The following TENT2 variants were observed in gnomAD, a reference collection of about 807,000 sequenced individuals.
The protein encoded by TENT2 is terminal nucleotidyltransferase 2.
In TENT2, 44 loss-of-function variants were observed where a neutral mutation model predicts 72.2. The observed-to-expected ratio is 0.61, with a 90% CI of 0.48 to 0.78. The LOEUF (loss-of-function observed/expected upper bound fraction) is 0.78. Ranked by LOEUF, TENT2 falls within the 30% of genes least tolerant of loss-of-function variation. The probability of loss-of-function intolerance (pLI) is 0.00; values close to 1 mark genes in which losing one functional copy is unlikely to be tolerated. For synonymous variants in TENT2, 212 were observed against 192.5 expected, an observed-to-expected ratio of 1.10 and a Z score of -0.84; for missense variants, 541 against 569.6, an observed-to-expected ratio of 0.95 and a Z score of 0.51.
chr5:79,668,981 T>C lies in TENT2; in HGVS notation c.1161T>C (p.Leu387=). ...ACCTCTCAAAGAATGAATCAAACCT[T>C]GGGGACCTCTTACTGGGCTTTCTTA... is the stretch of plus-strand genomic sequence containing the variant. ...PPYLSKNESN[L]GDLLLGFLKY... is the part of the protein sequence containing the mutation. Residue 387 remains leucine, a synonymous_variant, in exon 12 of 15, where the codon CTT becomes CTC. Coordinates refer to ENST00000453514, the MANE Select transcript of TENT2 (RefSeq NM_001114394.3). The C allele has an allele frequency of 6.2e-7, 1 of 1,613,862 alleles. No homozygotes were observed. The highest frequency in any genetic ancestry group is 8.5e-7 in the Non-Finnish European group (1 of 1,179,856).
At chr5:79,634,142 G>C (rs1778108494) in intron 4 of TENT2, among the ~76,000 whole-genome samples, 1 of 142,782 alleles carries the variant, frequency 7.0e-6, no homozygotes, top group Non-Finnish European at 1.5e-5. Context: ...GCAACAGAGT[G>C]AGACTCCGTC....
At chr5:79,675,403 T>C (rs1816471115) in intron 12 of TENT2, among the ~76,000 whole-genome samples, 2 of 152,152 alleles carry the variant, frequency 1.3e-5, no homozygotes, top group South Asian at 4.1e-4. Flanking sequence ...GTCAGGGACA[T>C]GTGCAGGTAA....
chr5:79,675,083 G>A (rs1339107011), intron 12 of TENT2, among the ~76,000 whole-genome samples: 1 of 152,124 alleles, frequency 6.6e-6, no homozygotes, highest in Admixed American at 6.5e-5. Context: ...ATTCTCTAGA[G>A]CAGAAAAAAA....
At chr5:79,620,952 AATTC>A (rs1311684926) in intron 3 of TENT2, among the ~76,000 whole-genome samples, 2 of 152,226 alleles carry the variant, frequency 1.3e-5, no homozygotes, top group Non-Finnish European at 2.9e-5. Context: ...GATTAAAAGA[AATTC>A]ATTTATTTAA....
chr5:79,680,363 T>G (rs1820724112), intron 13 of TENT2, among the ~76,000 whole-genome samples: 1 of 152,222 alleles, frequency 6.6e-6, no homozygotes, highest in Non-Finnish European at 1.5e-5. Context: ...TAAATGGCAC[T>G]GGGTGGGCAT....
rs1041856847 is a variant in TENT2 at position 79,634,631 on chromosome 5, G to A, written c.466-6220G>A. On this transcript the variant is annotated intron_variant, in intron 4 of 14. Transcript: ENST00000453514. ...TGGGATTTCAGATGTGAGCCACTGC[G>A]CCTGGCCAGAAATATTTATTTTAAT... Among the ~76,000 whole-genome samples the A allele has an allele frequency of 5.9e-5, 9 of 152,180 alleles. No individual in the cohort carries two copies. In the South Asian group the frequency reaches 6.2e-4, roughly 11 times the overall value.
chr5:79,685,596 A>AT lies in TENT2; in HGVS notation c.*324dup, dbSNP rs1825806394. 1 of 198,790 alleles carries AT rather than the reference A, an allele frequency of 5.0e-6. No individual in the cohort carries two copies. Among genetic ancestry groups the AT allele is most frequent in the African/African-American group, 2.4e-5 (1 of 42,106 alleles). 12.3% of individuals were successfully genotyped at this position (198,790 alleles called of 1,614,324 possible). A position where few individuals can be genotyped will look rare whatever the true frequency, so the allele number is the denominator to read the frequency against. On this transcript the variant is annotated 3_prime_UTR_variant, in exon 15 of 15. Transcript: ENST00000453514. ...ATATAACTTCAATTAATTGTACCAC[A>AT]TGCTAATCCTGAAGAGATGTGTAGA...
intron 10 of TENT2, among the ~76,000 whole-genome samples, chr5:79,649,683 T>A (rs1384082652): frequency 6.6e-6 from 1 of 152,136 alleles, no homozygotes; most frequent in African/African-American, 2.4e-5. Flanking sequence ...TGGTTAGTCA[T>A]TGTTTATGAG....
intron 11 of TENT2, among the ~76,000 whole-genome samples, chr5:79,667,277 A>G (rs921232233): frequency 3.3e-5 from 5 of 152,200 alleles, no homozygotes; most frequent in African/African-American, 1.2e-4. Context: ...AATTAGTAAG[A>G]AGCTTTCAGA....
chr5:79,654,831 GT>G (rs1796780512), intron 10 of TENT2, among the ~76,000 whole-genome samples: 1 of 152,144 alleles, frequency 6.6e-6, no homozygotes, highest in Non-Finnish European at 1.5e-5. Flanking sequence ...GATTCTTAGT[GT>G]GATTGAAGAC....
intron 14 of TENT2, among the ~76,000 whole-genome samples, chr5:79,683,990 A>G (rs1824557136): frequency 6.6e-6 from 1 of 151,564 alleles, no homozygotes; most frequent in African/African-American, 2.4e-5. Context: ...TCAAGAGAGA[A>G]TATTTTTGTT....
At position 79,686,806 on chromosome 5, in the gene TENT2, T is replaced by C. The variant is rs956668992; in HGVS notation, c.*1533T>C. 6.6e-6 allele frequency among the ~76,000 whole-genome samples: 1 copy of C among 152,196 alleles called. No homozygotes were observed. The highest frequency in any genetic ancestry group is 2.4e-5 in the African/African-American group (1 of 41,468). Reference sequence around the variant, plus strand: ...GGAATGAAAGTTTACACATAGTGAATTTTTTAGATTCCTGATGTGTAACAC... The same window carrying C: ...GGAATGAAAGTTTACACATAGTGAACTTTTTAGATTCCTGATGTGTAACAC... On this transcript the variant is annotated 3_prime_UTR_variant, in exon 15 of 15. Coordinates refer to ENST00000453514, the MANE Select transcript of TENT2 (RefSeq NM_001114394.3).
rs752583530 is a variant in TENT2, at chr5:79,685,240, A to G, written c.1422A>G (p.Ile474Met). 2 of 1,605,462 alleles carry G rather than the reference A, an allele frequency of 1.2e-6. No homozygotes were observed. Among genetic ancestry groups the G allele is most frequent in the Middle Eastern group, 1.7e-4 (1 of 6,040 alleles). ...AAAACAAGAGAGATTTGAACAGTAT[A>G]CTACCTGTAAGAGCTGCTGTCCTGA... ...RLKNKRDLNSILPVRAAVLKR is the reference protein window; with the variant it reads ...RLKNKRDLNSMLPVRAAVLKR Residue 474 changes from isoleucine to methionine, a missense_variant, in exon 15 of 15, where the codon ATA becomes ATG. Physicochemically the swap from Ile to Met is conservative, Grantham distance 10. Transcript: ENST00000453514.
intron 4 of TENT2, among the ~76,000 whole-genome samples, chr5:79,630,342 C>T (rs949396080): frequency 5.9e-5 from 9 of 152,082 alleles, no homozygotes; most frequent in African/African-American, 1.9e-4. Flanking sequence ...CCTGTAATCG[C>T]AACACTTTGG....
At chr5:79,619,828 A>T in intron 2 of TENT2, 43 bp downstream of exon 2, 1 of 1,584,424 alleles carries the variant, frequency 6.3e-7, no homozygotes. Flanking sequence ...GGTAAATTTC[A>T]TTTTCTATTT....
intron 7 of TENT2, among the ~76,000 whole-genome samples, chr5:79,644,209 T>G (rs981066751): frequency 1.3e-5 from 2 of 152,142 alleles, no homozygotes; most frequent in Admixed American, 6.5e-5. Flanking sequence ...CTTGAACTCC[T>G]GGCCTCAAGT....
At chr5:79,636,803 C>T (rs1473141994) in intron 4 of TENT2, among the ~76,000 whole-genome samples, 1 of 152,168 alleles carries the variant, frequency 6.6e-6, no homozygotes, top group African/African-American at 2.4e-5. Context: ...AAATCCTGCA[C>T]ATCTCTTGGT....
rs542285155 is a variant in TENT2 at position 79,640,020 on chromosome 5, G to C, written c.466-831G>C. 5.9e-5 allele frequency among the ~76,000 whole-genome samples: 9 copies of C among 152,268 alleles called. No homozygotes were observed. The South Asian group carries it at 1.9e-3, about 32-fold the overall frequency. On this transcript the variant is annotated intron_variant, in intron 4 of 14. Transcript: ENST00000453514. ...ACCTGTAATCCCAGCACTTTGGGAG[G>C]CTGAGGCAGGCAGATCACTTGAGGT...
chr5:79,651,018 A>C (rs998272624), intron 10 of TENT2, among the ~76,000 whole-genome samples: 10 of 152,148 alleles, frequency 6.6e-5, no homozygotes, highest in Admixed American at 2.0e-4. Flanking sequence ...AAGTTATTTT[A>C]CATTTTAAAA....
Sources: gnomAD v4.1 joint callset for allele counts (sites outside exome capture counted in the v4.1 genomes callset) on GRCh38, gnomAD v4.1.1 for gene constraint, MANE v1.5 for transcripts, NCBI Gene and HGNC (gene_info 2026-07-23, HGNC 2026-07-21) for gene names.